TENM2: variants seen among roughly 807,000 people sequenced by gnomAD.
TENM2 encodes teneurin transmembrane protein 2.
Under a neutral mutation model 245.2 loss-of-function variants are expected in TENM2, and 52 were observed. The observed-to-expected ratio is 0.21, with a 90% CI of 0.17 to 0.27. The LOEUF is 0.27. TENM2 is among the 10% of genes least tolerant of loss of function. TENM2 has a pLI of 1.00. For synonymous variants in TENM2, 1,363 were observed against 1,438.9 expected, an observed-to-expected ratio of 0.95 and a Z score of 1.19; for missense variants, 3,046 against 3,666.8, an observed-to-expected ratio of 0.83 and a Z score of 4.37.
chr5:167,322,233 G>C (rs971112420), intron 1 of TENM2, among the ~76,000 whole-genome samples: 1 of 149,776 alleles, frequency 6.7e-6, no homozygotes, highest in African/African-American at 2.5e-5. Flanking sequence ...TTTTGTTGCT[G>C]TTGTTTTTTG....
chr5:167,023,579 T>C, the TENM2 span, among the ~76,000 whole-genome samples: 146 of 152,366 alleles, frequency 9.6e-4, no homozygotes, highest in Middle Eastern at 3.4e-3. Flanking sequence ...CTTTTGTTCC[T>C]GTATCTCTGA....
chr5:167,541,052 A>T (rs567607278), intron 2 of TENM2, among the ~76,000 whole-genome samples: 1 of 152,304 alleles, frequency 6.6e-6, no homozygotes, highest in East Asian at 1.9e-4. Flanking sequence ...TTTCATGAAT[A>T]AGATGGAAAG....
intron 3 of TENM2, among the ~76,000 whole-genome samples, chr5:167,938,963 G>A (rs978885083): frequency 6.8e-6 from 1 of 147,898 alleles, no homozygotes; most frequent in South Asian, 2.1e-4. Flanking sequence ...AAAAAAAATT[G>A]TTTGTCATAA....
chr5:167,612,504 C>T (rs180828919), intron 2 of TENM2, among the ~76,000 whole-genome samples: 2 of 152,230 alleles, frequency 1.3e-5, no homozygotes, highest in Admixed American at 6.5e-5. Context: ...AATCATCCAA[C>T]AGTGGCTTGG....
At chr5:168,140,444 C>A (rs111299179) in intron 12 of TENM2, among the ~76,000 whole-genome samples, 18 of 152,306 alleles carry the variant, frequency 1.2e-4, no homozygotes, top group African/African-American at 4.3e-4. Flanking sequence ...CTTCCATCTG[C>A]TCCAAATGGC....
chr5:167,190,377 G>A, the TENM2 span, among the ~76,000 whole-genome samples: 18 of 151,948 alleles, frequency 1.2e-4, no homozygotes, highest in South Asian at 2.1e-4. Flanking sequence ...ATGAAGCTTC[G>A]CATCCCCTCT....
intron 1 of TENM2, among the ~76,000 whole-genome samples, chr5:167,347,764 A>G (rs1426237060): frequency 2.6e-5 from 4 of 151,300 alleles, no homozygotes; most frequent in Non-Finnish European, 5.9e-5. Context: ...ATTTATATTT[A>G]TTTATGAAAA....
At chr5:167,748,873 A>G (rs1248314186) in intron 2 of TENM2, among the ~76,000 whole-genome samples, 4 of 152,118 alleles carry the variant, frequency 2.6e-5, no homozygotes, top group African/African-American at 9.7e-5. Context: ...TCAACACATG[A>G]AGACTGTGGG....
chr5:167,162,132 A>T, the TENM2 span, among the ~76,000 whole-genome samples: 1 of 151,202 alleles, frequency 6.6e-6, no homozygotes, highest in Admixed American at 6.6e-5. Context: ...AGATCACACC[A>T]CTGCACTCCA....
At chr5:167,571,716 T>A (rs1774275726) in intron 2 of TENM2, among the ~76,000 whole-genome samples, 1 of 152,358 alleles carries the variant, frequency 6.6e-6, no homozygotes, top group Admixed American at 6.5e-5. Flanking sequence ...TGCTGTTCAA[T>A]AAACCTCGGG....
intron 27 of TENM2, among the ~76,000 whole-genome samples, chr5:168,248,884 T>G (rs1285470560): frequency 6.6e-6 from 1 of 152,176 alleles, no homozygotes; most frequent in Non-Finnish European, 1.5e-5. Context: ...TTTGAGAGGC[T>G]GAGGCAGATG....
intron 3 of TENM2, among the ~76,000 whole-genome samples, chr5:167,906,169 A>T (rs967176193): frequency 6.6e-6 from 1 of 152,218 alleles, no homozygotes; most frequent in African/African-American, 2.4e-5. Context: ...GGAGGCAGCC[A>T]GGAGTGAGGT....
chr5:167,098,038 TTTCAGTCGTGCA>T, the TENM2 span, among the ~76,000 whole-genome samples: 2 of 152,342 alleles, frequency 1.3e-5, no homozygotes, highest in East Asian at 3.9e-4. Flanking sequence ...GTTTATGTTC[TTTCAGTCGTGCA>T]TTTCTATACC....
chr5:167,209,696 C>A, the TENM2 span, among the ~76,000 whole-genome samples: 6 of 151,786 alleles, frequency 4.0e-5, no homozygotes, highest in Non-Finnish European at 8.8e-5. Context: ...TTTTTTCCCC[C>A]ACATCATTCC....
chr5:167,538,958 ATCAGCAT>A, intron 2 of TENM2, among the ~76,000 whole-genome samples: 1 of 152,146 alleles, frequency 6.6e-6, no homozygotes, highest in South Asian at 2.1e-4. Context: ...AATCATTCCG[ATCAGCAT>A]TATTATAATC....
At chr5:167,688,157 G>A (rs1426976350) in intron 2 of TENM2, among the ~76,000 whole-genome samples, 2 of 152,180 alleles carry the variant, frequency 1.3e-5, no homozygotes, top group Non-Finnish European at 2.9e-5. Flanking sequence ...GCAGACCCCA[G>A]TTTGTTCTCA....
At chr5:167,895,554 C>T (rs377283677) in intron 3 of TENM2, among the ~76,000 whole-genome samples, 15 of 152,310 alleles carry the variant, frequency 9.8e-5, no homozygotes, top group Non-Finnish European at 1.6e-4. Flanking sequence ...TGTACTACTT[C>T]GCAAAATATT....
At chr5:167,268,108 A>T in the TENM2 span, among the ~76,000 whole-genome samples, 1 of 149,152 alleles carries the variant, frequency 6.7e-6, no homozygotes. Context: ...TAAATGAAAT[A>T]TCTTTATTAT....
intron 12 of TENM2, among the ~76,000 whole-genome samples, chr5:168,148,302 A>G (rs895024750): frequency 6.6e-6 from 1 of 152,198 alleles, no homozygotes; most frequent in Admixed American, 6.5e-5. Context: ...CTAAGGGCAC[A>G]CTCATTATGC....
Sources: allele counts gnomAD v4.1 joint callset (sites outside exome capture counted in the v4.1 genomes callset), GRCh38; gene constraint gnomAD v4.1.1; transcripts MANE v1.5; gene names NCBI Gene and HGNC (gene_info 2026-07-23, HGNC 2026-07-21).